Variants in AK5 observed in about 807,000 individuals in gnomAD.
The protein encoded by AK5 is adenylate kinase isoenzyme 5.
Under a neutral mutation model 69.5 loss-of-function variants are expected in AK5, and 27 were observed. The observed-to-expected ratio is 0.39, with a 90% CI of 0.29 to 0.54. The LOEUF (loss-of-function observed/expected upper bound fraction) is 0.54, where lower values mean the gene tolerates loss of function less well. Among genes scored for constraint, AK5 ranks in the 20% least tolerant of loss-of-function variants. The pLI is 0.71. For synonymous variants in AK5, 260 were observed against 244.4 expected (o/e 1.06, Z -0.60); for missense variants, 531 against 700.4 (o/e 0.76, Z 2.73).
intron 8 of AK5, chr1:77,420,401 T>C (rs960012077): frequency 1.3e-5 from 2 of 152,178 alleles, no homozygotes; most frequent in Admixed American, 6.6e-5. Flanking sequence ...AAAAATTCTT[T>C]TAAAAAATTA....
At chr1:77,483,280 C>T in intron 8 of AK5, 37 bp from the exon 9 acceptor site, 6 of 1,514,366 alleles carry the variant, frequency 4.0e-6, no homozygotes, top group Non-Finnish European at 5.5e-6. Context: ...AAAATACCTG[C>T]TGTTATTATT....
chr1:77,312,469 G>A (rs1480472484), intron 5 of AK5, among the ~76,000 whole-genome samples: 1 of 152,182 alleles, frequency 6.6e-6, no homozygotes, highest in East Asian at 1.9e-4. Context: ...ACAAAAATCA[G>A]CCAGGCGTGG....
chr1:77,452,446 T>C (rs2100659482), intron 8 of AK5, among the ~76,000 whole-genome samples: 1 of 152,372 alleles, frequency 6.6e-6, no homozygotes, highest in East Asian at 1.9e-4. Context: ...AGGAAGATTT[T>C]TAGATAAGGC....
intron 6 of AK5, among the ~76,000 whole-genome samples, chr1:77,358,018 T>TGTGTGTGTGTGTGTGTGAGAGAGAGA (rs762714026): frequency 7.8e-6 from 1 of 128,178 alleles, no homozygotes; most frequent in African/African-American, 2.8e-5. Flanking sequence ...TGTGTGTGTG[T>TGTGTGTGTGTGTGTGTGAGAGAGAGA]GAGAGAGAGA....
chr1:77,298,892 A>G (rs573385496), intron 5 of AK5, among the ~76,000 whole-genome samples: 1 of 152,178 alleles, frequency 6.6e-6, no homozygotes, highest in East Asian at 1.9e-4. Flanking sequence ...TTTTAAGTCT[A>G]TCTGTAAAAC....
At chr1:77,407,715 T>C (rs991353680) in intron 6 of AK5, among the ~76,000 whole-genome samples, 2 of 152,122 alleles carry the variant, frequency 1.3e-5, no homozygotes, top group African/African-American at 4.8e-5. Flanking sequence ...TAGAGTATGA[T>C]TGACGCCATC....
intron 6 of AK5, among the ~76,000 whole-genome samples, chr1:77,357,560 C>T (rs1486346958): frequency 8.5e-5 from 13 of 152,080 alleles, no homozygotes; most frequent in Admixed American, 8.5e-4. Flanking sequence ...AGCTGGACAA[C>T]ATCATGCAAA....
intron 1 of AK5, among the ~76,000 whole-genome samples, chr1:77,285,114 C>CTCTA (rs1281601932): frequency 2.0e-5 from 3 of 152,078 alleles, no homozygotes; most frequent in African/African-American, 4.8e-5. Flanking sequence ...AAACTAGAGC[C>CTCTA]ATCACTAATA....
intron 12 of AK5, among the ~76,000 whole-genome samples, chr1:77,533,181 A>G (rs995601102): frequency 6.6e-6 from 1 of 152,052 alleles, no homozygotes; most frequent in Non-Finnish European, 1.5e-5. Context: ...TAGCTTCTCA[A>G]ACTATGATGC....
chr1:77,484,855 G>A (rs995913825), intron 9 of AK5, among the ~76,000 whole-genome samples: 2 of 152,082 alleles, frequency 1.3e-5, no homozygotes, highest in Non-Finnish European at 1.5e-5. Context: ...ACATAAACAT[G>A]TTCCCATGTC....
Position 77,324,297 on chromosome 1 carries a change from T to TA in AK5, c.700-16072dup, listed in dbSNP as rs1218000033. Among the ~76,000 whole-genome samples the TA allele has an allele frequency of 1.1e-3, 61 of 54,190 alleles. 1 individual carries two copies. In the South Asian group the frequency reaches 0.068, roughly 61 times the overall value. The allele number at this position is 54,190 out of a possible 152,430, so 35.6% of individuals were successfully genotyped here. On this transcript the variant is annotated intron_variant, in intron 5 of 13. Coordinates refer to ENST00000354567, the MANE Select transcript of AK5 (RefSeq NM_174858.3). Reference sequence around the variant, plus strand: ...TCAATTAATTAAGTGTGGAACATATTAAAAAAAAGTTCACCATTTGCGTGT... The same window carrying TA: ...TCAATTAATTAAGTGTGGAACATATTAAAAAAAAAGTTCACCATTTGCGTGT...
intron 8 of AK5, among the ~76,000 whole-genome samples, chr1:77,433,693 A>G (rs1488848159): frequency 1.3e-5 from 2 of 152,196 alleles, no homozygotes. Flanking sequence ...TGTAAACTAT[A>G]GATGGCTTAA....
At chr1:77,557,787 A>G (rs962327219) in intron 13 of AK5, among the ~76,000 whole-genome samples, 1 of 152,194 alleles carries the variant, frequency 6.6e-6, no homozygotes. Flanking sequence ...ATTGTTTTAA[A>G]TAGACTTTCC....
chr1:77,391,553 C>T (rs1466964159), intron 6 of AK5, among the ~76,000 whole-genome samples: 1 of 140,200 alleles, frequency 7.1e-6, no homozygotes, highest in Non-Finnish European at 1.5e-5. Context: ...GTTGCAGTAT[C>T]TATCCATCCC....
intron 8 of AK5, among the ~76,000 whole-genome samples, chr1:77,482,767 T>A (rs1655333391): frequency 1.0e-5 from 1 of 96,534 alleles, no homozygotes; most frequent in Non-Finnish European, 2.3e-5. Context: ...CGAGACTATG[T>A]CTCAAAAAAA....
chr1:77,418,871 T>C (rs902875522), intron 8 of AK5, among the ~76,000 whole-genome samples: 6 of 152,204 alleles, frequency 3.9e-5, no homozygotes, highest in African/African-American at 1.2e-4. Context: ...TCTTTCCTTA[T>C]AGCACAAAGC....
At chr1:77,333,286 C>T (rs974047366) in intron 5 of AK5, among the ~76,000 whole-genome samples, 1 of 152,122 alleles carries the variant, frequency 6.6e-6, no homozygotes, top group African/African-American at 2.4e-5. Context: ...AGCTTTGTGC[C>T]GGTGTGGCAC....
chr1:77,479,593 G>T (rs187821284), intron 8 of AK5, among the ~76,000 whole-genome samples: 1 of 152,080 alleles, frequency 6.6e-6, no homozygotes, highest in Non-Finnish European at 1.5e-5. Flanking sequence ...GTGCCTTGGC[G>T]CCCCATACAT....
At chr1:77,293,326 G>A (rs979647197) in intron 2 of AK5, among the ~76,000 whole-genome samples, 46 of 152,130 alleles carry the variant, frequency 3.0e-4, no homozygotes, top group Non-Finnish European at 2.9e-5. Context: ...TTATGGACAG[G>A]CTGCTGCATA....
Sources: gnomAD v4.1 joint callset for allele counts (sites outside exome capture counted in the v4.1 genomes callset) on GRCh38, gnomAD v4.1.1 for gene constraint, MANE v1.5 for transcripts, NCBI Gene and HGNC (gene_info 2026-07-23, HGNC 2026-07-21) for gene names.